The following RAD54L2 variants were observed in gnomAD, a reference collection of about 807,000 sequenced individuals.
The protein encoded by RAD54L2 is RAD54 like 2.
Under a neutral mutation model 138.4 loss-of-function variants are expected in RAD54L2, and 27 were observed. The observed-to-expected ratio is 0.20, with a 90% CI of 0.14 to 0.27. The LOEUF is 0.27. Ranked by LOEUF, RAD54L2 falls within the 10% of genes least tolerant of loss-of-function variation. The pLI is 1.00. For synonymous variants in RAD54L2, 644 were observed against 723.2 expected (o/e 0.89, Z 1.76); for missense variants, 1,396 against 1,890.2 (o/e 0.74, Z 4.85).
intron 3 of RAD54L2, among the ~76,000 whole-genome samples, chr3:51,607,923 C>T (rs13433978): frequency 2.3e-5 from 3 of 132,692 alleles, no homozygotes; most frequent in African/African-American, 1.0e-4. Context: ...GCTGGCCGGG[C>T]GGGGGCTGCC....
intron 1 of RAD54L2, among the ~76,000 whole-genome samples, chr3:51,539,872 TG>T (rs1553670967): frequency 6.6e-6 from 1 of 152,118 alleles, no homozygotes; most frequent in Non-Finnish European, 1.5e-5. Flanking sequence ...AAGGGTTATG[TG>T]GGGCTGGATG....
intron 3 of RAD54L2, among the ~76,000 whole-genome samples, chr3:51,599,030 G>T (rs371736909): frequency 6.6e-6 from 1 of 152,302 alleles, no homozygotes; most frequent in East Asian, 1.9e-4. Context: ...GCGTCGGGGG[G>T]CAGTCTTGTG....
At chr3:51,558,435 A>C (rs751898610) in intron 2 of RAD54L2, among the ~76,000 whole-genome samples, 15 of 150,326 alleles carry the variant, frequency 1.0e-4, no homozygotes, top group Non-Finnish European at 1.5e-5. Context: ...GACTTTGGCA[A>C]GCCTTTCTCC....
At chr3:51,620,212 C>G (rs978007663) in intron 3 of RAD54L2, among the ~76,000 whole-genome samples, 4 of 151,618 alleles carry the variant, frequency 2.6e-5, no homozygotes, top group African/African-American at 9.7e-5. Context: ...GTTCTCCCAC[C>G]TCAGCCTCCA....
At chr3:51,564,444 A>T (rs1156507143) in intron 2 of RAD54L2, among the ~76,000 whole-genome samples, 1 of 152,250 alleles carries the variant, frequency 6.6e-6, no homozygotes, top group Non-Finnish European at 1.5e-5. Flanking sequence ...GAGGTTTGTT[A>T]TCTACATGTA....
intron 2 of RAD54L2, among the ~76,000 whole-genome samples, chr3:51,543,063 A>G (rs1449292770): frequency 6.6e-6 from 1 of 151,682 alleles, no homozygotes; most frequent in African/African-American, 2.4e-5. Flanking sequence ...GAGATTTGTC[A>G]TTTTCTTTAA....
intron 2 of RAD54L2, among the ~76,000 whole-genome samples, chr3:51,550,769 C>T (rs80078904): frequency 2.7e-4 from 41 of 152,094 alleles, no homozygotes; most frequent in East Asian, 5.8e-4. Context: ...AGTCCAGGCA[C>T]GGTGGCTTAC....
chr3:51,598,625 G>A (rs973919761), intron 3 of RAD54L2, among the ~76,000 whole-genome samples: 3 of 151,984 alleles, frequency 2.0e-5, no homozygotes, highest in African/African-American at 2.4e-5. Context: ...GCATGGTGGT[G>A]CACGCCTGTA....
At chr3:51,632,882 G>C in intron 7 of RAD54L2, among the ~76,000 whole-genome samples, 1 of 147,976 alleles carries the variant, frequency 6.8e-6, no homozygotes, top group African/African-American at 2.5e-5. Flanking sequence ...GACGGAGCAA[G>C]ACTCCGTCTC....
chr3:51,630,181 A>T (rs1700802530), intron 5 of RAD54L2, 91 bp from the exon 6 acceptor site: 3 of 979,254 alleles, frequency 3.1e-6, no homozygotes, highest in Non-Finnish European at 4.9e-6. Flanking sequence ...CATGAGAGCT[A>T]TAAAAGAAAA....
chr3:51,601,688 C>T (rs917690882), intron 3 of RAD54L2, among the ~76,000 whole-genome samples: 6 of 151,840 alleles, frequency 4.0e-5, no homozygotes, highest in Non-Finnish European at 7.4e-5. Flanking sequence ...AGATAATCTG[C>T]CCTCCTCGGC....
At chr3:51,563,467 C>T (rs1699144510) in intron 2 of RAD54L2, among the ~76,000 whole-genome samples, 1 of 152,052 alleles carries the variant, frequency 6.6e-6, no homozygotes, top group Admixed American at 6.6e-5. Flanking sequence ...GGTTCTCATC[C>T]ATCCCATCTA....
intron 2 of RAD54L2, among the ~76,000 whole-genome samples, chr3:51,556,966 A>G (rs1199439166): frequency 1.3e-5 from 2 of 152,034 alleles, no homozygotes; most frequent in Admixed American, 6.6e-5. Context: ...GCCTGGACCA[A>G]AGATTCTTTT....
chr3:51,583,268 T>A (rs554089198), intron 2 of RAD54L2, among the ~76,000 whole-genome samples: 1 of 152,288 alleles, frequency 6.6e-6, no homozygotes, highest in Middle Eastern at 3.4e-3. Flanking sequence ...ATTGTTTTGA[T>A]GTTGACTTAA....
intron 2 of RAD54L2, among the ~76,000 whole-genome samples, chr3:51,562,219 CT>C (rs559499556): frequency 2.2e-3 from 327 of 150,884 alleles, no homozygotes; most frequent in African/African-American, 7.5e-3. Context: ...TATTTTTATT[CT>C]TTAAATTTTT....
At chr3:51,560,393 T>C in intron 2 of RAD54L2, among the ~76,000 whole-genome samples, 1 of 150,166 alleles carries the variant, frequency 6.7e-6, no homozygotes, top group East Asian at 1.9e-4. Flanking sequence ...GGAGTCTCGC[T>C]CTGTCACCTA....
intron 2 of RAD54L2, among the ~76,000 whole-genome samples, chr3:51,582,766 C>CTTTTTTTTTTTTTTTTTTTT (rs61245532): frequency 3.0e-4 from 44 of 147,294 alleles, no homozygotes; most frequent in Middle Eastern, 3.5e-3. Context: ...CCAGGGAAGT[C>CTTTTTTTTTTTTTTTTTTTT]TTTTTTTTTT....
At chr3:51,556,585 T>TC (rs1329425861) in intron 2 of RAD54L2, among the ~76,000 whole-genome samples, 2 of 11,038 alleles carry the variant, frequency 1.8e-4, no homozygotes, top group Non-Finnish European at 5.7e-4. Flanking sequence ...TCTATCTCTC[T>TC]TTTTTTTTGA....
At chr3:51,561,974 TC>T (rs1375883777) in intron 2 of RAD54L2, among the ~76,000 whole-genome samples, 1 of 151,520 alleles carries the variant, frequency 6.6e-6, no homozygotes, top group African/African-American at 2.4e-5. Context: ...GCCCAAGCAA[TC>T]CCCCCACCTC....
Sources: gnomAD v4.1 joint callset for allele counts (sites outside exome capture counted in the v4.1 genomes callset) on GRCh38, gnomAD v4.1.1 for gene constraint, MANE v1.5 for transcripts, NCBI Gene and HGNC (gene_info 2026-07-23, HGNC 2026-07-21) for gene names.